The following BAIAP2 variants were observed in gnomAD, a reference collection of about 807,000 sequenced individuals.
The protein encoded by BAIAP2 is BAR/IMD domain-containing adapter protein 2.
A neutral mutation model predicts 63.0 loss-of-function variants in BAIAP2; 18 were observed. The ratio of observed to expected loss-of-function variants is 0.29; its 90% confidence interval spans 0.20 to 0.42. The LOEUF (loss-of-function observed/expected upper bound fraction) is 0.42. BAIAP2 is among the 10% of genes least tolerant of loss of function. The pLI, the probability that BAIAP2 is intolerant of heterozygous loss-of-function variation, is 1.00. For synonymous variants in BAIAP2, 386 were observed against 307.6 expected, an observed-to-expected ratio of 1.25 and a Z score of -2.67; for missense variants, 610 against 734.3, an observed-to-expected ratio of 0.83 and a Z score of 1.96.
At chr17:81,055,089 C>T (rs570458358) in intron 2 of BAIAP2, among the ~76,000 whole-genome samples, 6 of 152,338 alleles carry the variant, frequency 3.9e-5, no homozygotes, top group Admixed American at 6.5e-5. Context: ...GCTCCTCCAC[C>T]GCTTCCTGGT....
intron 13 of BAIAP2, among the ~76,000 whole-genome samples, chr17:81,113,937 G>A (rs570210560): frequency 3.2e-4 from 48 of 150,762 alleles, no homozygotes; most frequent in African/African-American, 1.2e-3. Context: ...GCCAGATCTA[G>A]GACCCTTCTC....
In BAIAP2 at chr17:81,104,006, A is replaced by C; in HGVS notation, c.964A>C (p.Lys322Gln). The C allele has an allele frequency of 6.2e-7, 1 of 1,613,170 alleles. No individual in the cohort carries two copies. Reference protein sequence around the residue: ...PWADRKAAQPKSLSPPQSQSK... With the variant: ...PWADRKAAQPQSLSPPQSQSK... ...GGCTGACCGCAAGGCTGCCCAGCCC[A>C]AATCCCTGTCTCCTCCGCAGTCTCA... The change falls in exon 9 of 14, where the codon AAA becomes CAA. Residue 322 changes from lysine to glutamine, a missense_variant. Around this residue, in one of 5 missense-constraint regions of BAIAP2, gnomAD observed 389 missense variants for 455.6 expected, o/e 0.85. Coordinates refer to ENST00000428708, the MANE Select transcript of BAIAP2 (RefSeq NM_001144888.2).
At chr17:81,107,321 A>C in intron 12 of BAIAP2, 1 of 177,592 alleles carries the variant, frequency 5.6e-6, no homozygotes, top group Non-Finnish European at 1.2e-5. Context: ...AGTCACATCC[A>C]TGAGATGGGA....
chr17:81,111,940 C>T lies in BAIAP2; in HGVS notation c.1535+3431C>T, dbSNP rs575282714. On this transcript the variant is annotated intron_variant, in intron 13 of 13. Transcript: ENST00000428708. ...TGGTGGTCACAGCAGGCATCCTGGC[C>T]CACGGGCAGCCAGGCCACAGGCAGA... is the stretch of plus-strand genomic sequence containing the variant. Among the ~76,000 whole-genome samples the T allele has an allele frequency of 1.7e-4, 26 of 152,380 alleles. No homozygotes were observed. The East Asian group carries it at 2.5e-3, about 15-fold the overall frequency.
intron 3 of BAIAP2, among the ~76,000 whole-genome samples, chr17:81,069,111 G>C (rs1247045616): frequency 6.6e-6 from 1 of 152,204 alleles, no homozygotes; most frequent in East Asian, 1.9e-4. Flanking sequence ...TTGTTTAAAC[G>C]TCTGAAGGGC....
chr17:81,102,932 C>T (rs1432407758), intron 7 of BAIAP2, among the ~76,000 whole-genome samples: 1 of 152,246 alleles, frequency 6.6e-6, no homozygotes, highest in African/African-American at 2.4e-5. Context: ...AACCTTTCTC[C>T]ATGCCTGTGG....
At chr17:81,061,393 A>G (rs2050527307) in intron 3 of BAIAP2, among the ~76,000 whole-genome samples, 1 of 152,110 alleles carries the variant, frequency 6.6e-6, no homozygotes, top group Non-Finnish European at 1.5e-5. Context: ...CACAATCACA[A>G]TGGTGAACTT....
At chr17:81,084,974 A>G (rs2055319059) in intron 4 of BAIAP2, 81 bp downstream of exon 4, 3 of 1,413,610 alleles carry the variant, frequency 2.1e-6, no homozygotes, top group Non-Finnish European at 2.0e-6. Context: ...CCGTGTGTCC[A>G]CTTGGGAACA....
intron 13 of BAIAP2, 74 bp from the exon 14 acceptor site, chr17:81,115,696 A>G (rs2146243354): frequency 6.4e-7 from 1 of 1,567,090 alleles, no homozygotes; most frequent in East Asian, 2.2e-5. Context: ...TCCCTGGGGC[A>G]TCGGGCAGCC....
At chr17:81,090,635 C>A (rs2056561729) in intron 6 of BAIAP2, among the ~76,000 whole-genome samples, 3 of 152,246 alleles carry the variant, frequency 2.0e-5, no homozygotes, top group Admixed American at 6.5e-5. Flanking sequence ...CCCCAGTGGC[C>A]TGGAAGCCCA....
intron 6 of BAIAP2, among the ~76,000 whole-genome samples, chr17:81,095,707 G>A (rs1291091877): frequency 2.0e-5 from 3 of 152,118 alleles, no homozygotes; most frequent in Non-Finnish European, 2.9e-5. Flanking sequence ...CTGTCCCCAG[G>A]ATCTGGAGGG....
intron 3 of BAIAP2, among the ~76,000 whole-genome samples, chr17:81,063,361 G>A (rs111934308): frequency 5.9e-5 from 9 of 152,262 alleles, no homozygotes; most frequent in African/African-American, 9.6e-5. Flanking sequence ...TGCCACACGC[G>A]GATGCCTTCG....
At chr17:81,105,860 C>T (rs1386311407) in intron 10 of BAIAP2, 1 of 499,980 alleles carries the variant, frequency 2.0e-6, no homozygotes, top group African/African-American at 2.0e-5. Context: ...GCAGCTCCCA[C>T]CAGGTTGAGG....
chr17:81,070,734 C>G (rs552633103), intron 3 of BAIAP2, among the ~76,000 whole-genome samples: 75 of 152,070 alleles, frequency 4.9e-4, no homozygotes, highest in African/African-American at 1.6e-3. Flanking sequence ...AGCCTCCACT[C>G]CAGCCACCCC....
At position 81,035,180 on chromosome 17, in the gene BAIAP2, T is replaced by G; in HGVS notation, c.-75T>G. 3.9e-6 allele frequency: 5 copies of G among 1,281,968 alleles called. No individual in the cohort carries two copies. Among genetic ancestry groups the G allele is most frequent in the Non-Finnish European group, 5.2e-6 (5 of 954,468 alleles). 79.4% of individuals were successfully genotyped at this position (1,281,968 alleles called of 1,614,324 possible). On this transcript the variant is annotated 5_prime_UTR_variant, in exon 1 of 14. Transcript: ENST00000428708. ...TTCGGGTCCGCTTTCGTCTCCGTCC[T>G]GCTGCCGTTACCGCCGCTGCTGCCG...
intron 3 of BAIAP2, among the ~76,000 whole-genome samples, chr17:81,072,377 T>C (rs957943006): frequency 5.3e-5 from 8 of 152,238 alleles, no homozygotes; most frequent in Non-Finnish European, 1.2e-4. Flanking sequence ...TCAGTGTCCC[T>C]ATGTCCATGC....
chr17:81,044,107 C>T (rs769436679), intron 1 of BAIAP2, among the ~76,000 whole-genome samples: 1 of 152,194 alleles, frequency 6.6e-6, no homozygotes, highest in Non-Finnish European at 1.5e-5. Flanking sequence ...AGCCCCCGGG[C>T]TGGCACCTCC....
chr17:81,091,447 C>T (rs2056753095), intron 6 of BAIAP2, among the ~76,000 whole-genome samples: 1 of 152,118 alleles, frequency 6.6e-6, no homozygotes, highest in East Asian at 1.9e-4. Context: ...CCGGGGGTGT[C>T]TACGCAGAGA....
intron 3 of BAIAP2, among the ~76,000 whole-genome samples, chr17:81,074,651 T>C (rs1328714400): frequency 1.4e-5 from 2 of 147,342 alleles, no homozygotes; most frequent in Non-Finnish European, 3.0e-5. Flanking sequence ...GTTGAGTGCC[T>C]CTGTGTCTGC....
Sources: gnomAD v4.1 joint callset for allele counts (sites outside exome capture counted in the v4.1 genomes callset) on GRCh38, gnomAD v4.1.1 for gene constraint, gnomAD v4.1.1 regional missense constraint, MANE v1.5 for transcripts, NCBI Gene and HGNC (gene_info 2026-07-23, HGNC 2026-07-21) for gene names.